The following BAZ2B variants were observed in gnomAD, a reference collection of about 807,000 sequenced individuals.
BAZ2B encodes bromodomain adjacent to zinc finger domain protein 2B.
In BAZ2B, 91 loss-of-function variants were observed where a neutral mutation model predicts 246.0. The ratio of observed to expected loss-of-function variants is 0.37; its 90% CI spans 0.31 to 0.44. The LOEUF (loss-of-function observed/expected upper bound fraction) is 0.44, where lower values mean the gene tolerates loss of function less well. BAZ2B is among the 20% of genes least tolerant of loss of function. The pLI is 1.00. For missense variants in BAZ2B, 2,332 were observed against 2,533.7 expected, an observed-to-expected ratio of 0.92 and a Z score of 1.71; for synonymous variants, 855 against 860.0, an observed-to-expected ratio of 0.99 and a Z score of 0.10.
the BAZ2B span, among the ~76,000 whole-genome samples, chr2:159,636,474 T>C: frequency 6.6e-6 from 1 of 152,074 alleles, no homozygotes; most frequent in South Asian, 2.1e-4. Flanking sequence ...TGGAGGGGGC[T>C]TTTGGACTAC....
chr2:159,335,742 T>G (rs7565858), intron 33 of BAZ2B, among the ~76,000 whole-genome samples: 138,103 of 152,190 alleles, frequency 0.91, 64,205 homozygotes, highest in East Asian at 1. Flanking sequence ...AAGAAAGAAC[T>G]CTAAGTTATT....
chr2:159,525,061 C>T (rs1010688291), intron 2 of BAZ2B, among the ~76,000 whole-genome samples: 4 of 151,904 alleles, frequency 2.6e-5, no homozygotes, highest in Non-Finnish European at 2.9e-5. Flanking sequence ...CCATTTATAC[C>T]GTAAGAGTGG....
At chr2:159,509,331 G>A (rs2082663117) in intron 2 of BAZ2B, among the ~76,000 whole-genome samples, 1 of 152,040 alleles carries the variant, frequency 6.6e-6, no homozygotes, top group Non-Finnish European at 1.5e-5. Flanking sequence ...TTATAACATT[G>A]TTCCTAGGGA....
intron 1 of BAZ2B, among the ~76,000 whole-genome samples, chr2:159,596,692 C>T (rs1690799445): frequency 6.6e-6 from 1 of 152,150 alleles, no homozygotes; most frequent in African/African-American, 2.4e-5. Context: ...CCTACCCTTT[C>T]CCCCTGAATC....
intron 14 of BAZ2B, among the ~76,000 whole-genome samples, chr2:159,410,376 G>A (rs978489642): frequency 1.3e-5 from 2 of 152,220 alleles, no homozygotes; most frequent in African/African-American, 4.8e-5. Flanking sequence ...ACGTGTCAAA[G>A]GAGGGACCTG....
intron 27 of BAZ2B, among the ~76,000 whole-genome samples, chr2:159,360,489 G>T (rs2059567113): frequency 6.6e-6 from 1 of 152,124 alleles, no homozygotes; most frequent in Non-Finnish European, 1.5e-5. Flanking sequence ...CCATGCTCAT[G>T]GATAGAAGAA....
chr2:159,650,357 C>T, the BAZ2B span, among the ~76,000 whole-genome samples: 2 of 151,870 alleles, frequency 1.3e-5, no homozygotes, highest in African/African-American at 4.8e-5. Context: ...CGATTTAATC[C>T]TTTCAGGTCT....
chr2:159,662,530 C>T, the BAZ2B span, among the ~76,000 whole-genome samples: 1 of 151,926 alleles, frequency 6.6e-6, no homozygotes, highest in Non-Finnish European at 1.5e-5. Context: ...GTTTGTTTCG[C>T]TTTGTTTTGT....
chr2:159,540,142 C>A (rs899650917), intron 2 of BAZ2B, among the ~76,000 whole-genome samples: 18 of 152,048 alleles, frequency 1.2e-4, no homozygotes, highest in Non-Finnish European at 2.4e-4. Flanking sequence ...CCACAGTAAC[C>A]CCAATATCTA....
rs1176420207 is a variant in BAZ2B, at chr2:159,350,043, T to G, written c.4528A>C (p.Ser1510Arg). The G allele has an allele frequency of 1.9e-6, 3 of 1,614,070 alleles. No homozygotes were observed. Among genetic ancestry groups the G allele is most frequent in the Non-Finnish European group, 2.5e-6 (3 of 1,180,006 alleles). Residue 1510 changes from serine (S) to arginine (R), a missense_variant, in exon 28 of 37, where the codon AGC (serine) becomes CGC (arginine). By Grantham distance (110) the Ser-to-Arg change is moderately radical (BLOSUM62 -1). Coordinates refer to ENST00000392783, the MANE Select transcript of BAZ2B (RefSeq NM_013450.4). Reference protein sequence around the residue: ...YQNSGKHSLGSVQSTATQSNV... With the variant: ...YQNSGKHSLGRVQSTATQSNV... The stretch of plus-strand genomic sequence containing the variant: ...CTTTGCGTTGCTGTTGACTGAACGC[T>G]GCCCAGTGAATGTTTTCCACTGTTC...
At chr2:159,348,546 C>T (rs1267096411) in intron 30 of BAZ2B, 132 bp downstream of exon 30, 14 of 1,063,974 alleles carry the variant, frequency 1.3e-5, no homozygotes, top group East Asian at 5.3e-5. Context: ...GTTTGATCTG[C>T]GATTGGTTGA....
At chr2:159,464,278 C>G (rs2076771413) in intron 3 of BAZ2B, 1 of 152,198 alleles carries the variant, frequency 6.6e-6, no homozygotes, top group African/African-American at 2.4e-5. Context: ...GGTGTTGTGT[C>G]TCCCTAGTTT....
intron 2 of BAZ2B, among the ~76,000 whole-genome samples, chr2:159,503,455 C>T (rs1010227091): frequency 6.6e-6 from 1 of 152,214 alleles, no homozygotes; most frequent in African/African-American, 2.4e-5. Context: ...TTCTAAGGAA[C>T]TGTTCCGACT....
At chr2:159,689,348 G>C in the BAZ2B span, 30 of 326,656 alleles carry the variant, frequency 9.2e-5, no homozygotes, top group Non-Finnish European at 1.4e-4. Flanking sequence ...TTCAAACTTG[G>C]GCTTCTTCAG....
chr2:159,369,102 C>A (rs2060540777), intron 27 of BAZ2B, among the ~76,000 whole-genome samples: 1 of 152,204 alleles, frequency 6.6e-6, no homozygotes, highest in African/African-American at 2.4e-5. Flanking sequence ...TAATTATCTG[C>A]TTTTCTGGGA....
intron 2 of BAZ2B, among the ~76,000 whole-genome samples, chr2:159,482,781 T>C (rs1245836718): frequency 6.6e-6 from 1 of 152,206 alleles, no homozygotes; most frequent in African/African-American, 2.4e-5. Context: ...TGACAAAATA[T>C]GTTATCATGA....
chr2:159,589,640 A>T (rs1489423454), intron 1 of BAZ2B, among the ~76,000 whole-genome samples: 1 of 152,200 alleles, frequency 6.6e-6, no homozygotes, highest in African/African-American at 2.4e-5. Context: ...ATCTTAAGAC[A>T]CTGTTTATAT....
chr2:159,687,331 T>C, the BAZ2B span, among the ~76,000 whole-genome samples: 2 of 152,280 alleles, frequency 1.3e-5, no homozygotes, highest in Admixed American at 1.3e-4. Context: ...AGATAGAGGC[T>C]GGTTGCCAGG....
chr2:159,345,294 T>A (rs757730981), intron 31 of BAZ2B, among the ~76,000 whole-genome samples: 5 of 151,836 alleles, frequency 3.3e-5, no homozygotes, highest in South Asian at 2.1e-4. Context: ...ATGACTATAG[T>A]TAATAATATA....
Sources: gnomAD v4.1 joint callset for allele counts (sites outside exome capture counted in the v4.1 genomes callset) on GRCh38, gnomAD v4.1.1 for gene constraint, MANE v1.5 for transcripts, NCBI Gene and HGNC (gene_info 2026-07-23, HGNC 2026-07-21) for gene names.